MAF: variants seen among roughly 807,000 people sequenced by gnomAD.
The protein encoded by MAF is transcription factor Maf.
MAF carries 10 observed loss-of-function variants against 22.0 expected under a neutral mutation model. The ratio of observed to expected loss-of-function variants is 0.45; its 90% CI spans 0.28 to 0.77. The LOEUF (loss-of-function observed/expected upper bound fraction) is 0.77. Ranked by LOEUF, MAF falls within the 30% of genes least tolerant of loss-of-function variation. The probability of loss-of-function intolerance (pLI) is 0.12; values close to 1 mark genes in which losing one functional copy is unlikely to be tolerated. For synonymous variants in MAF, 337 were observed against 255.8 expected, an observed-to-expected ratio of 1.32 and a Z score of -3.03; for missense variants, 544 against 548.4, an observed-to-expected ratio of 0.99 and a Z score of 0.08.
downstream of MAF, chr16:79,593,739 G>A (rs1913321975): frequency 5.8e-6 from 1 of 171,116 alleles, no homozygotes; most frequent in African/African-American, 2.4e-5. Flanking sequence ...TTTTGAAAAG[G>A]GAAACATGCA....
chr16:79,371,288 C>T, the MAF span, among the ~76,000 whole-genome samples: 1 of 152,210 alleles, frequency 6.6e-6, no homozygotes, highest in Non-Finnish European at 1.5e-5. Context: ...GAAAGTGACC[C>T]TCCCTTGAGG....
the MAF span, among the ~76,000 whole-genome samples, chr16:79,499,908 G>C: frequency 6.6e-6 from 1 of 152,218 alleles, no homozygotes; most frequent in Non-Finnish European, 1.5e-5. Flanking sequence ...ACCTGGAAGA[G>C]TTTGTCCTGG....
At chr16:79,485,831 G>A in the MAF span, among the ~76,000 whole-genome samples, 2,486 of 152,150 alleles carry the variant, frequency 0.016, 67 homozygotes, top group African/African-American at 0.057. Flanking sequence ...AATGGCCCAG[G>A]GGCGGCCAGC....
chr16:79,559,666 G>C, the MAF span, among the ~76,000 whole-genome samples: 2 of 151,960 alleles, frequency 1.3e-5, no homozygotes, highest in East Asian at 3.9e-4. Context: ...ATTACTATCT[G>C]TAATTAAGAT....
At chr16:79,233,419 T>C in the MAF span, among the ~76,000 whole-genome samples, 1 of 152,012 alleles carries the variant, frequency 6.6e-6, no homozygotes, top group Non-Finnish European at 1.5e-5. Context: ...CGCTAAGTGA[T>C]AGCCCTAGAG....
At chr16:79,586,036 T>G (rs1167523842) in intron 1 of MAF, 19 of 582,416 alleles carry the variant, frequency 3.3e-5, no homozygotes, top group Non-Finnish European at 5.4e-5. Context: ...TAACTATCTA[T>G]CAAAAGGGCA....
the MAF span, among the ~76,000 whole-genome samples, chr16:79,368,387 G>A: frequency 2.0e-5 from 3 of 152,008 alleles, no homozygotes; most frequent in African/African-American, 7.2e-5. Context: ...AAGATCTGAG[G>A]CCTTTTCTAG....
At chr16:79,493,970 G>A in the MAF span, among the ~76,000 whole-genome samples, 2 of 151,220 alleles carry the variant, frequency 1.3e-5, no homozygotes, top group South Asian at 2.1e-4. Context: ...CTGAAAATCA[G>A]GCTCTTTCAA....
the MAF span, among the ~76,000 whole-genome samples, chr16:79,530,353 A>G: frequency 5.3e-5 from 8 of 152,278 alleles, no homozygotes; most frequent in African/African-American, 1.9e-4. Flanking sequence ...CCAACACATC[A>G]GGGTCCCAAA....
At chr16:79,212,204 G>C in the MAF span, 1 of 1,450,800 alleles carries the variant, frequency 6.9e-7, no homozygotes, top group African/African-American at 1.4e-5. Context: ...CTCCTACTTA[G>C]GGAAGAAAAA....
chr16:79,211,277 G>A, the MAF span, among the ~76,000 whole-genome samples: 4 of 152,264 alleles, frequency 2.6e-5, no homozygotes, highest in African/African-American at 4.8e-5. Flanking sequence ...GTTCTTGCAC[G>A]TTCAGAAGGA....
chr16:79,587,675 C>T (rs960712943), intron 1 of MAF, among the ~76,000 whole-genome samples: 3 of 152,076 alleles, frequency 2.0e-5, no homozygotes, highest in African/African-American at 7.2e-5. Context: ...GCCTTCCTGA[C>T]CATATCATTG....
At chr16:79,278,907 G>C in the MAF span, among the ~76,000 whole-genome samples, 1 of 152,192 alleles carries the variant, frequency 6.6e-6, no homozygotes, top group African/African-American at 2.4e-5. Context: ...TGGTGTACCA[G>C]GTTCCTGGGG....
At chr16:79,526,240 G>C in the MAF span, among the ~76,000 whole-genome samples, 4 of 152,082 alleles carry the variant, frequency 2.6e-5, no homozygotes, top group African/African-American at 9.7e-5. Context: ...GTTGAGGGGA[G>C]GATTTCAGGA....
At chr16:79,312,349 A>AT in the MAF span, among the ~76,000 whole-genome samples, 1 of 152,218 alleles carries the variant, frequency 6.6e-6, no homozygotes, top group Non-Finnish European at 1.5e-5. Flanking sequence ...CAAGCATTAA[A>AT]TACGAAAGCA....
chr16:79,211,910 G>C, the MAF span: 2 of 1,549,556 alleles, frequency 1.3e-6, no homozygotes, highest in Admixed American at 1.9e-5. Context: ...CAAGAGTAAA[G>C]GAAATAAGAG....
At chr16:79,249,335 C>T in the MAF span, among the ~76,000 whole-genome samples, 2 of 151,486 alleles carry the variant, frequency 1.3e-5, no homozygotes, top group African/African-American at 4.9e-5. Context: ...AAGAGAACCA[C>T]CTGAATCTGG....
At chr16:79,410,918 A>G in the MAF span, among the ~76,000 whole-genome samples, 4 of 152,308 alleles carry the variant, frequency 2.6e-5, no homozygotes, top group South Asian at 8.3e-4. Context: ...GAAGGACCTT[A>G]CGTGATGTTC....
the MAF span, among the ~76,000 whole-genome samples, chr16:79,437,808 C>T: frequency 1.3e-5 from 2 of 152,200 alleles, no homozygotes; most frequent in Non-Finnish European, 2.9e-5. Flanking sequence ...CCTTTTCACT[C>T]CCTCACAACA....
Sources: allele counts gnomAD v4.1 joint callset (sites outside exome capture counted in the v4.1 genomes callset), GRCh38; gene constraint gnomAD v4.1.1; transcripts MANE v1.5; gene names NCBI Gene and HGNC (gene_info 2026-07-23, HGNC 2026-07-21).